GPHN: variants seen among roughly 807,000 people sequenced by gnomAD.
The protein encoded by GPHN is gephyrin.
Under a neutral mutation model 95.5 loss-of-function variants are expected in GPHN, and 17 were observed. That is an observed-to-expected ratio of 0.18 (90% CI 0.12 to 0.27). GPHN has a LOEUF of 0.27. Ranked by LOEUF, GPHN falls within the 10% of genes least tolerant of loss-of-function variation. The pLI is 1.00. For missense variants in GPHN, 660 were observed against 978.1 expected (o/e 0.67, Z 4.34); for synonymous variants, 320 against 322.5 (o/e 0.99, Z 0.08).
intron 2 of GPHN, among the ~76,000 whole-genome samples, chr14:66,745,674 A>G (rs935219657): frequency 8.5e-5 from 13 of 152,050 alleles, no homozygotes; most frequent in Non-Finnish European, 1.6e-4. Flanking sequence ...ATAATTTAGA[A>G]ATAGTCCACT....
At chr14:67,361,409 G>T in the GPHN span, among the ~76,000 whole-genome samples, 2 of 152,188 alleles carry the variant, frequency 1.3e-5, no homozygotes, top group African/African-American at 4.8e-5. Flanking sequence ...TGTTTGTAGA[G>T]ATTCGGTGAT....
the GPHN span, among the ~76,000 whole-genome samples, chr14:67,522,301 C>A: frequency 6.6e-6 from 1 of 152,222 alleles, no homozygotes; most frequent in Non-Finnish European, 1.5e-5. Flanking sequence ...AGCAGTCAGC[C>A]TAGATGCTGG....
chr14:67,578,670 T>C, the GPHN span: 41 of 1,259,838 alleles, frequency 3.3e-5, no homozygotes, highest in Non-Finnish European at 4.6e-5. This position sits in a 1 kb window ranked among gnomAD's most constrained non-coding sequence, Gnocchi z 5.0. Flanking sequence ...ACTTGAGCAC[T>C]GCCAACTGCC....
chr14:67,144,136 C>T (rs1443639808), intron 18 of GPHN, among the ~76,000 whole-genome samples: 1 of 148,718 alleles, frequency 6.7e-6, no homozygotes, highest in Non-Finnish European at 1.5e-5. Context: ...TACTTGGGTG[C>T]TGAAGTGGGA....
the GPHN span, among the ~76,000 whole-genome samples, chr14:67,280,979 T>G: frequency 2.7e-5 from 4 of 150,744 alleles, no homozygotes; most frequent in East Asian, 1.9e-4. Context: ...CTCACAGCAA[T>G]CTCCGCCTTC....
At chr14:66,526,844 A>G (rs1647048046) in intron 1 of GPHN, among the ~76,000 whole-genome samples, 1 of 152,158 alleles carries the variant, frequency 6.6e-6, no homozygotes, top group South Asian at 2.1e-4. Flanking sequence ...CATGGTGGAA[A>G]AGCTTTCTGA....
chr14:67,114,456 T>G (rs868412807), intron 16 of GPHN, among the ~76,000 whole-genome samples: 1 of 152,158 alleles, frequency 6.6e-6, no homozygotes. Context: ...TTAGGGAGGC[T>G]GAAGCAGGGG....
the GPHN span, chr14:67,642,450 G>A: frequency 1.4e-6 from 2 of 1,443,678 alleles, no homozygotes; most frequent in Non-Finnish European, 1.9e-6. Flanking sequence ...TTCTTCATCT[G>A]GAGAAAAATA....
At chr14:67,318,071 C>A in the GPHN span, among the ~76,000 whole-genome samples, 1 of 152,158 alleles carries the variant, frequency 6.6e-6, no homozygotes, top group Non-Finnish European at 1.5e-5. Flanking sequence ...TTAACCCAAC[C>A]TGATTTACTG....
chr14:66,841,520 A>C (rs931863500), intron 4 of GPHN, among the ~76,000 whole-genome samples: 7 of 152,200 alleles, frequency 4.6e-5, no homozygotes, highest in African/African-American at 1.7e-4. Context: ...GATTACTGAT[A>C]TATTTTGAAG....
At chr14:67,551,811 G>A in the GPHN span, among the ~76,000 whole-genome samples, 3 of 152,100 alleles carry the variant, frequency 2.0e-5, no homozygotes, top group Non-Finnish European at 2.9e-5. Flanking sequence ...GAACCTGGGA[G>A]GCGGAGGTTA....
At chr14:66,859,141 CT>C (rs1414580032) in intron 4 of GPHN, among the ~76,000 whole-genome samples, 1 of 152,098 alleles carries the variant, frequency 6.6e-6, no homozygotes, top group African/African-American at 2.4e-5. Context: ...ATCGTACAGC[CT>C]TAGTGCCTTG....
chr14:67,569,058 T>C, the GPHN span: 4 of 976,532 alleles, frequency 4.1e-6, no homozygotes, highest in Non-Finnish European at 6.4e-6. Context: ...CCCAAAGCCA[T>C]GCTTTTTCCT....
chr14:66,656,081 G>T (rs954415547), intron 1 of GPHN, among the ~76,000 whole-genome samples: 4 of 151,928 alleles, frequency 2.6e-5, no homozygotes, highest in Admixed American at 6.6e-5. Flanking sequence ...TACTGTCTTT[G>T]TTTGCTTTTT....
At chr14:67,080,381 G>C (rs2076643953) in intron 11 of GPHN, among the ~76,000 whole-genome samples, 1 of 150,974 alleles carries the variant, frequency 6.6e-6, no homozygotes, top group African/African-American at 2.4e-5. Flanking sequence ...TCTGTTGATT[G>C]CATTCTTTGA....
intron 1 of GPHN, among the ~76,000 whole-genome samples, chr14:66,545,286 G>A (rs1213180127): frequency 4.3e-5 from 6 of 140,774 alleles, no homozygotes; most frequent in Non-Finnish European, 1.5e-5. Flanking sequence ...GGGCGGCCGG[G>A]CAGAGGCGCC....
At chr14:66,803,098 T>C (rs1178559989) in intron 3 of GPHN, among the ~76,000 whole-genome samples, 1 of 152,136 alleles carries the variant, frequency 6.6e-6, no homozygotes, top group Non-Finnish European at 1.5e-5. Flanking sequence ...TAGTGCCAGA[T>C]GGTGAAGCTT....
At chr14:67,479,775 G>A in the GPHN span, among the ~76,000 whole-genome samples, 3,982 of 152,290 alleles carry the variant, frequency 0.026, 70 homozygotes, top group African/African-American at 0.05. Flanking sequence ...TTCATACCTC[G>A]TGTATAGAAG....
chr14:67,662,433 A>G, the GPHN span: 17 of 1,531,288 alleles, frequency 1.1e-5, no homozygotes, highest in South Asian at 1.7e-4. Context: ...TCTGGAAAAG[A>G]CCAACACCAG....
Sources: allele counts gnomAD v4.1 joint callset (sites outside exome capture counted in the v4.1 genomes callset), GRCh38; gene constraint gnomAD v4.1.1; non-coding constraint Gnocchi (gnomAD v3.1); transcripts MANE v1.5; gene names NCBI Gene and HGNC (gene_info 2026-07-23, HGNC 2026-07-21).